Variants in NYAP2 observed in about 807,000 individuals in gnomAD.
The protein encoded by NYAP2 is neuronal tyrosine-phosphorylated phosphoinositide-3-kinase adapter 2.
In NYAP2, 23 loss-of-function variants were observed where a neutral mutation model predicts 50.4. The observed-to-expected ratio is 0.46, with a 90% CI of 0.33 to 0.65. NYAP2 has a LOEUF of 0.65. Ranked by LOEUF, NYAP2 falls within the 30% of genes least tolerant of loss-of-function variation. The probability of loss-of-function intolerance (pLI) is 0.02; values close to 1 mark genes in which losing one functional copy is unlikely to be tolerated. For missense variants in NYAP2, 885 were observed against 861.0 expected, an observed-to-expected ratio of 1.03 and a Z score of -0.35; for synonymous variants, 394 against 365.2, an observed-to-expected ratio of 1.08 and a Z score of -0.90.
At chr2:225,501,181 G>A (rs756219875) in intron 3 of NYAP2, among the ~76,000 whole-genome samples, 22 of 152,146 alleles carry the variant, frequency 1.4e-4, no homozygotes, top group Non-Finnish European at 2.4e-4. Flanking sequence ...AGGAACATGT[G>A]TTCTCCCTCT....
At chr2:225,500,789 A>G (rs139910935) in intron 3 of NYAP2, among the ~76,000 whole-genome samples, 81 of 152,326 alleles carry the variant, frequency 5.3e-4, no homozygotes, top group African/African-American at 1.9e-3. Flanking sequence ...AATAGATGGC[A>G]ATATACCTGG....
At chr2:225,520,103 A>T (rs564564051) in intron 4 of NYAP2, among the ~76,000 whole-genome samples, 4 of 152,140 alleles carry the variant, frequency 2.6e-5, no homozygotes, top group Non-Finnish European at 5.9e-5. Flanking sequence ...TCCTTCGCCC[A>T]CTTTTTGATG....
At chr2:225,651,297 T>C in intron 6 of NYAP2, 135 bp from the exon 7 acceptor site, 2 of 1,182,374 alleles carry the variant, frequency 1.7e-6, no homozygotes, top group Admixed American at 2.0e-5. Flanking sequence ...TATCACCTGC[T>C]ACTTATTAGC....
At chr2:225,430,844 A>T (rs1205452334) in intron 3 of NYAP2, among the ~76,000 whole-genome samples, 1 of 152,262 alleles carries the variant, frequency 6.6e-6, no homozygotes, top group Non-Finnish European at 1.5e-5. Context: ...TTAATTGGCT[A>T]GATTTAGTCA....
At chr2:225,664,851 C>A in the NYAP2 span, among the ~76,000 whole-genome samples, 2 of 151,900 alleles carry the variant, frequency 1.3e-5, no homozygotes, top group East Asian at 3.9e-4. Context: ...CCAGCCTGGG[C>A]GACAGAGCGA....
At chr2:225,518,015 C>T (rs1412712251) in intron 4 of NYAP2, among the ~76,000 whole-genome samples, 1 of 152,120 alleles carries the variant, frequency 6.6e-6, no homozygotes, top group African/African-American at 2.4e-5. Flanking sequence ...GACATCTTTA[C>T]TCTCATGTTT....
At chr2:225,699,050 T>G in the NYAP2 span, 1 of 151,926 alleles carries the variant, frequency 6.6e-6, no homozygotes, top group Non-Finnish European at 1.5e-5. Context: ...GAATATCATA[T>G]TTGTTAAGAG....
intron 3 of NYAP2, among the ~76,000 whole-genome samples, chr2:225,444,972 A>G (rs1022080461): frequency 6.6e-6 from 1 of 152,134 alleles, no homozygotes; most frequent in South Asian, 2.1e-4. Context: ...GAATGAAAAA[A>G]CTATTCCGTA....
At chr2:225,401,745 G>C (rs558115835) in intron 2 of NYAP2, among the ~76,000 whole-genome samples, 7 of 151,984 alleles carry the variant, frequency 4.6e-5, no homozygotes, top group African/African-American at 1.7e-4. Flanking sequence ...AGACATGTGA[G>C]TATTTCATAT....
At chr2:225,630,465 T>C (rs1693287005) in intron 6 of NYAP2, among the ~76,000 whole-genome samples, 1 of 152,174 alleles carries the variant, frequency 6.6e-6, no homozygotes, top group Non-Finnish European at 1.5e-5. Flanking sequence ...TCAAAGATTC[T>C]CCATTTCATC....
chr2:225,528,742 C>T (rs1295975346), intron 4 of NYAP2, among the ~76,000 whole-genome samples: 2 of 152,170 alleles, frequency 1.3e-5, no homozygotes, highest in Admixed American at 6.5e-5. Flanking sequence ...AGTGCTTTCA[C>T]CTGTGATTCT....
At chr2:225,515,017 A>T (rs1398272746) in intron 4 of NYAP2, among the ~76,000 whole-genome samples, 1 of 152,176 alleles carries the variant, frequency 6.6e-6, no homozygotes, top group Non-Finnish European at 1.5e-5. Context: ...GATGCCTATG[A>T]GGTATGTGCC....
At chr2:225,514,015 G>A (rs1690881703) in intron 4 of NYAP2, among the ~76,000 whole-genome samples, 1 of 151,958 alleles carries the variant, frequency 6.6e-6, no homozygotes, top group Admixed American at 6.6e-5. Context: ...GATTATCAAG[G>A]GGACATTTTA....
intron 4 of NYAP2, among the ~76,000 whole-genome samples, chr2:225,545,630 C>T (rs1691565656): frequency 6.6e-6 from 1 of 152,132 alleles, no homozygotes; most frequent in Non-Finnish European, 1.5e-5. Context: ...CTCAAAACAG[C>T]TATTTTGAAT....
At chr2:225,437,322 T>C (rs1689395473) in intron 3 of NYAP2, among the ~76,000 whole-genome samples, 1 of 152,204 alleles carries the variant, frequency 6.6e-6, no homozygotes, top group South Asian at 2.1e-4. Flanking sequence ...TTTCTGCTCC[T>C]GTGTTTTAAT....
chr2:225,598,339 C>G (rs1456159536), intron 5 of NYAP2, among the ~76,000 whole-genome samples: 1 of 151,940 alleles, frequency 6.6e-6, no homozygotes, highest in Non-Finnish European at 1.5e-5. Context: ...AACAATTTAT[C>G]TTTTAAAATA....
intron 5 of NYAP2, among the ~76,000 whole-genome samples, chr2:225,618,797 A>T (rs942550925): frequency 6.6e-6 from 1 of 152,226 alleles, no homozygotes; most frequent in African/African-American, 2.4e-5. Flanking sequence ...GGCCTTGGGG[A>T]ATCAGGAAGT....
chr2:225,571,976 A>G (rs1692080944), intron 4 of NYAP2, among the ~76,000 whole-genome samples: 1 of 152,210 alleles, frequency 6.6e-6, no homozygotes, highest in African/African-American at 2.4e-5. Flanking sequence ...AGTTCCACAG[A>G]TCTCCAGGGC....
chr2:225,585,216 A>T (rs1368060162), intron 5 of NYAP2, among the ~76,000 whole-genome samples: 1 of 152,258 alleles, frequency 6.6e-6, no homozygotes, highest in Non-Finnish European at 1.5e-5. Flanking sequence ...AATATTTTTT[A>T]AACATTTTAT....
Sources: gnomAD v4.1 joint callset for allele counts (sites outside exome capture counted in the v4.1 genomes callset) on GRCh38, gnomAD v4.1.1 for gene constraint, MANE v1.5 for transcripts, NCBI Gene and HGNC (gene_info 2026-07-23, HGNC 2026-07-21) for gene names.